The following ARID4B variants were observed in gnomAD, a reference collection of about 807,000 sequenced individuals.
ARID4B encodes AT-rich interactive domain-containing protein 4B.
Under a neutral mutation model 147.5 loss-of-function variants are expected in ARID4B, and 26 were observed. The ratio of observed to expected loss-of-function variants is 0.18; its 90% CI spans 0.13 to 0.24. The LOEUF is 0.24. ARID4B is among the 10% of genes least tolerant of loss of function. ARID4B has a pLI of 1.00. For missense variants in ARID4B, 1,179 were observed against 1,511.5 expected (o/e 0.78, Z 3.65); for synonymous variants, 512 against 507.9 (o/e 1.01, Z -0.11).
chr1:235,188,618 A>C (rs574652029), intron 19 of ARID4B, among the ~76,000 whole-genome samples: 7 of 152,274 alleles, frequency 4.6e-5, no homozygotes, highest in African/African-American at 1.7e-4. Flanking sequence ...TCATGAACAT[A>C]TCTAACCACT....
chr1:235,293,123 C>G (rs1273426029), intron 2 of ARID4B, among the ~76,000 whole-genome samples: 2 of 152,182 alleles, frequency 1.3e-5, no homozygotes, highest in Admixed American at 1.3e-4. Flanking sequence ...CTTTAGTAAT[C>G]TCATTTCATC....
At chr1:235,281,711 G>GAAAAAC (rs1261860026) in intron 2 of ARID4B, among the ~76,000 whole-genome samples, 108 of 152,154 alleles carry the variant, frequency 7.1e-4, no homozygotes, top group Non-Finnish European at 1.3e-3. Context: ...GCCTGCCTCA[G>GAAAAAC]AAAAACAAAA....
intron 2 of ARID4B, among the ~76,000 whole-genome samples, chr1:235,290,721 C>T (rs769669783): frequency 1.5e-4 from 23 of 152,138 alleles, no homozygotes; most frequent in Non-Finnish European, 2.8e-4. Context: ...AGACCAGAGA[C>T]GGGGAGACAA....
chr1:235,311,173 A>C (rs1674021505), intron 2 of ARID4B, among the ~76,000 whole-genome samples: 1 of 151,978 alleles, frequency 6.6e-6, no homozygotes, highest in Non-Finnish European at 1.5e-5. Context: ...CCTAGGCAAC[A>C]TAGTGAGACC....
At chr1:235,323,301 A>G (rs898937340) in intron 2 of ARID4B, among the ~76,000 whole-genome samples, 2 of 151,538 alleles carry the variant, frequency 1.3e-5, no homozygotes, top group African/African-American at 2.4e-5. Flanking sequence ...TCAGCCTCCC[A>G]AAGTACTGGG....
At chr1:235,260,018 A>G (rs1572098292) in intron 3 of ARID4B, among the ~76,000 whole-genome samples, 1 of 152,230 alleles carries the variant, frequency 6.6e-6, no homozygotes, top group East Asian at 1.9e-4. Flanking sequence ...AAATGTCTAT[A>G]TTCAAGTTCA....
At chr1:235,246,684 AAT>A (rs547998498) in intron 6 of ARID4B, among the ~76,000 whole-genome samples, 173 bp from the exon 7 acceptor site, 15 of 152,306 alleles carry the variant, frequency 9.8e-5, no homozygotes, top group Middle Eastern at 3.4e-3. Context: ...AAGATATTAG[AAT>A]AAAGATGAAT....
At chr1:235,248,378 C>G (rs1244245606) in intron 6 of ARID4B, among the ~76,000 whole-genome samples, 1 of 152,120 alleles carries the variant, frequency 6.6e-6, no homozygotes, top group Non-Finnish European at 1.5e-5. Flanking sequence ...CTGTCATTAA[C>G]TCCTATGGTG....
intron 20 of ARID4B, among the ~76,000 whole-genome samples, chr1:235,179,511 A>C (rs1664129422): frequency 6.9e-6 from 1 of 144,018 alleles, no homozygotes; most frequent in Non-Finnish European, 1.5e-5. Flanking sequence ...CAACAAGAGC[A>C]AAACTCTATG....
chr1:235,241,481 A>G (rs1470894222), intron 7 of ARID4B, among the ~76,000 whole-genome samples: 3 of 151,730 alleles, frequency 2.0e-5, no homozygotes, highest in Non-Finnish European at 2.9e-5. Context: ...TCATGCCTTT[A>G]TATTTATATA....
chr1:235,316,353 C>T (rs1674429778), intron 2 of ARID4B, among the ~76,000 whole-genome samples: 1 of 150,984 alleles, frequency 6.6e-6, no homozygotes, highest in Non-Finnish European at 1.5e-5. Context: ...ACTAAAAATA[C>T]AAAAAATTAG....
intron 2 of ARID4B, among the ~76,000 whole-genome samples, chr1:235,260,986 A>G (rs1670256874): frequency 1.3e-5 from 2 of 152,358 alleles, no homozygotes; most frequent in African/African-American, 4.8e-5. Flanking sequence ...TCCATTAAAT[A>G]CATATGGTCC....
intron 22 of ARID4B, 54 bp from the exon 23 acceptor site, chr1:235,172,818 C>T (rs1234440758): frequency 1.5e-6 from 2 of 1,370,998 alleles, no homozygotes; most frequent in Non-Finnish European, 1.9e-6. Context: ...TTTTAACATA[C>T]AAAAAGGAGA....
At chr1:235,253,146 CCTA>C (rs1377679080) in intron 5 of ARID4B, among the ~76,000 whole-genome samples, 2 of 152,148 alleles carry the variant, frequency 1.3e-5, no homozygotes, top group African/African-American at 4.8e-5. Flanking sequence ...GACAAGTTTT[CCTA>C]CTGACAGATA....
chr1:235,322,973 A>G (rs1674950826), intron 2 of ARID4B, among the ~76,000 whole-genome samples: 1 of 152,174 alleles, frequency 6.6e-6, no homozygotes, highest in Non-Finnish European at 1.5e-5. Flanking sequence ...GGCCTAAGCC[A>G]ATCATTGTTG....
intron 2 of ARID4B, among the ~76,000 whole-genome samples, chr1:235,324,241 T>C (rs1302710698): frequency 6.6e-6 from 1 of 152,090 alleles, no homozygotes; most frequent in African/African-American, 2.4e-5. Flanking sequence ...ATCAAGAGCA[T>C]GAAAAATAAA....
chr1:235,305,796 G>GA (rs1457698560), intron 2 of ARID4B, among the ~76,000 whole-genome samples: 1 of 151,996 alleles, frequency 6.6e-6, no homozygotes. Context: ...CTGTCTCTAT[G>GA]AAAAAAGTTA....
In ARID4B at chr1:235,194,112, G is replaced by A. The variant is rs1445578438; in HGVS notation, c.2026C>T (p.Pro676Ser). 7 of 1,612,600 alleles carry A rather than the reference G, an allele frequency of 4.3e-6. No homozygotes were observed. Among genetic ancestry groups the A allele is most frequent in the Non-Finnish European group, 3.4e-6 (4 of 1,178,630 alleles). Reference protein sequence around the residue: ...SKPPFQTNPSPEMVSKLDLTD... With the variant: ...SKPPFQTNPSSEMVSKLDLTD... ...AGATCCAGTTTGGATACCATTTCAG[G>A]AGATGGATTTGTCTGAAATGGTGGT... Residue 676 changes from proline (P) to serine (S), a missense_variant, in exon 19 of 24, where the codon CCT (proline) becomes TCT (serine). By Grantham distance (74) the Pro-to-Ser change is moderately conservative. Transcript: ENST00000264183.
intron 7 of ARID4B, 79 bp from the exon 8 acceptor site, chr1:235,240,530 C>T: frequency 7.6e-7 from 1 of 1,323,708 alleles, no homozygotes; most frequent in Non-Finnish European, 1.1e-6. Flanking sequence ...TAGGTATTCC[C>T]AAACTCTTAT....
Sources: allele counts gnomAD v4.1 joint callset (sites outside exome capture counted in the v4.1 genomes callset), GRCh38; gene constraint gnomAD v4.1.1; transcripts MANE v1.5; gene names NCBI Gene and HGNC (gene_info 2026-07-23, HGNC 2026-07-21).